The following SEC23A variants were observed in gnomAD, a reference collection of about 807,000 sequenced individuals.
SEC23A encodes SEC23 homolog A, COPII component.
SEC23A carries 56 observed loss-of-function variants against 103.7 expected under a neutral mutation model. The ratio of observed to expected loss-of-function variants is 0.54; its 90% CI spans 0.44 to 0.67. The LOEUF is 0.67. Ranked by LOEUF, SEC23A falls within the 30% of genes least tolerant of loss-of-function variation. The probability of loss-of-function intolerance (pLI) is 0.00; values close to 1 mark genes in which losing one functional copy is unlikely to be tolerated. For synonymous variants in SEC23A, 281 were observed against 293.0 expected, an observed-to-expected ratio of 0.96 and a Z score of 0.42; for missense variants, 784 against 936.4, an observed-to-expected ratio of 0.84 and a Z score of 2.12.
Position 39,043,662 on chromosome 14 carries a change from A to C in SEC23A, c.1900-790T>G, listed in dbSNP as rs114196872. On this transcript the variant is annotated intron_variant, in intron 16 of 19. Coordinates refer to ENST00000307712, the MANE Select transcript of SEC23A (RefSeq NM_006364.4). ...AGAAGATTGATCCCTTAAGCATGTC[A>C]ACACTTAGAGGTCTGAAAGGGAAAA... Among the ~76,000 whole-genome samples, 1,308 of 152,336 alleles carry C rather than the reference A, an allele frequency of 8.6e-3. 21 individuals carry two copies. The highest frequency in any genetic ancestry group is 0.029 in the African/African-American group (1,217 of 41,576).
At chr14:39,065,891 G>A (rs956871778) in intron 10 of SEC23A, among the ~76,000 whole-genome samples, 6 of 150,932 alleles carry the variant, frequency 4.0e-5, no homozygotes, top group South Asian at 4.2e-4. Context: ...CCAGCTACTC[G>A]GGAGGGTGAG....
In SEC23A at chr14:39,059,278, T is replaced by TA. The variant is rs750853379; in HGVS notation, c.1505+2486dup. Among the ~76,000 whole-genome samples, 337 of 71,738 alleles carry TA rather than the reference T, an allele frequency of 4.7e-3. 15 individuals are homozygous for TA. Among genetic ancestry groups the TA allele is most frequent in the African/African-American group, 0.013 (248 of 19,440 alleles). 47.1% of individuals were successfully genotyped at this position (71,738 alleles called of 152,430 possible). On this transcript the variant is annotated intron_variant, in intron 13 of 19. Coordinates refer to ENST00000307712, the MANE Select transcript of SEC23A (RefSeq NM_006364.4). ...GGCCCCTAAAGTCATAGTCCTAGTTTAAAAAAAAAAAAAAAAAAAAAAAAA... is the reference window on the plus strand; with the variant it reads ...GGCCCCTAAAGTCATAGTCCTAGTTTAAAAAAAAAAAAAAAAAAAAAAAAAA...
intron 9 of SEC23A, among the ~76,000 whole-genome samples, chr14:39,067,587 C>G (rs1886712248): frequency 6.7e-6 from 1 of 150,030 alleles, no homozygotes; most frequent in South Asian, 2.1e-4. Context: ...TTACAAAATT[C>G]AAAAGGTACA....
At chr14:39,100,373 C>T (rs915205593) in intron 1 of SEC23A, among the ~76,000 whole-genome samples, 2 of 151,516 alleles carry the variant, frequency 1.3e-5, no homozygotes, top group African/African-American at 4.8e-5. Flanking sequence ...CCATGTCCGA[C>T]AATGGCATAT....
chr14:39,049,199 C>T (rs907979682), intron 14 of SEC23A, among the ~76,000 whole-genome samples: 8 of 151,620 alleles, frequency 5.3e-5, no homozygotes, highest in Non-Finnish European at 7.4e-5. Flanking sequence ...AAATTGTGGC[C>T]GGGCGCAGTG....
chr14:39,076,110 C>G lies in SEC23A; in HGVS notation c.829-17G>C. 1 of 1,584,722 alleles carries G rather than the reference C, an allele frequency of 6.3e-7. No homozygotes were observed. The highest frequency in any genetic ancestry group is 8.6e-7 in the Non-Finnish European group (1 of 1,161,350). On this transcript the variant is annotated splice_polypyrimidine_tract_variant and intron_variant, in intron 7 of 19. Coordinates refer to ENST00000307712, the MANE Select transcript of SEC23A (RefSeq NM_006364.4). ...AAAAGTACACTATTAAAAAAAAAGTCAAGAGTTTAAAAGAAAACATATGAA... is the reference window on the plus strand; with the variant it reads ...AAAAGTACACTATTAAAAAAAAAGTGAAGAGTTTAAAAGAAAACATATGAA...
At chr14:39,059,416 G>A (rs143358824) in intron 13 of SEC23A, among the ~76,000 whole-genome samples, 18 of 150,576 alleles carry the variant, frequency 1.2e-4, no homozygotes, top group African/African-American at 3.9e-4. Flanking sequence ...ACACACATAT[G>A]TCTCTACAAA....
intron 14 of SEC23A, among the ~76,000 whole-genome samples, chr14:39,049,671 G>A (rs957592157): frequency 2.6e-5 from 4 of 151,854 alleles, no homozygotes; most frequent in East Asian, 1.9e-4. Flanking sequence ...CCAGCTACTC[G>A]AGAGGCTATG....
intron 14 of SEC23A, among the ~76,000 whole-genome samples, chr14:39,050,194 G>C (rs1196739894): frequency 6.6e-6 from 1 of 152,062 alleles, no homozygotes; most frequent in Non-Finnish European, 1.5e-5. Context: ...GCATAAAGAA[G>C]GTATATCCAA....
intron 10 of SEC23A, among the ~76,000 whole-genome samples, chr14:39,065,329 G>A (rs1886620959): frequency 6.6e-6 from 1 of 151,218 alleles, no homozygotes; most frequent in South Asian, 2.1e-4. Flanking sequence ...TCCTCCCATA[G>A]AAAATCTGTC....
intron 9 of SEC23A, among the ~76,000 whole-genome samples, chr14:39,069,782 G>A (rs1320797219): frequency 6.6e-6 from 1 of 152,066 alleles, no homozygotes; most frequent in African/African-American, 2.4e-5. Flanking sequence ...TCTCAACTTT[G>A]TACTTGCTAT....
intron 11 of SEC23A, 38 bp downstream of exon 11, chr14:39,064,875 T>C (rs766883515): frequency 1.2e-5 from 17 of 1,415,396 alleles, no homozygotes; most frequent in Non-Finnish European, 1.7e-5. Context: ...CCACAGTTCC[T>C]GGTCCTGTAT....
At chr14:39,036,320 C>CAAAAA (rs59018206) in intron 19 of SEC23A, among the ~76,000 whole-genome samples, 45 of 69,878 alleles carry the variant, frequency 6.4e-4, no homozygotes, top group African/African-American at 1.7e-3. Context: ...GACTCCGTCT[C>CAAAAA]AAAAAAAAAA....
chr14:39,061,446 T>G (rs1886474126), intron 13 of SEC23A, among the ~76,000 whole-genome samples: 1 of 151,958 alleles, frequency 6.6e-6, no homozygotes, highest in Non-Finnish European at 1.5e-5. Flanking sequence ...GCTATATCAT[T>G]TATATATATA....
At chr14:39,081,638 G>C (rs763348097) in intron 7 of SEC23A, among the ~76,000 whole-genome samples, 1 of 152,240 alleles carries the variant, frequency 6.6e-6, no homozygotes, top group South Asian at 2.1e-4. Flanking sequence ...AAATATATTT[G>C]ATAACGGGAG....
chr14:39,099,330 T>C (rs970793045), intron 1 of SEC23A, among the ~76,000 whole-genome samples: 1 of 151,948 alleles, frequency 6.6e-6, no homozygotes, highest in Admixed American at 6.6e-5. Flanking sequence ...AGCTAATTTT[T>C]TGTATTTTTA....
intron 7 of SEC23A, among the ~76,000 whole-genome samples, chr14:39,084,968 G>A (rs1318362678): frequency 2.0e-5 from 3 of 152,192 alleles, no homozygotes; most frequent in Non-Finnish European, 4.4e-5. Flanking sequence ...GCCCAGCCAA[G>A]AGTGCCTTTT....
At chr14:39,047,426 G>C in intron 15 of SEC23A, 1 of 1,287,850 alleles carries the variant, frequency 7.8e-7, no homozygotes, top group Non-Finnish European at 1.0e-6. Context: ...GAGGTTTTAG[G>C]GAAGTCTCTC....
At chr14:39,055,679 G>A (rs575797370) in intron 13 of SEC23A, among the ~76,000 whole-genome samples, 1 of 152,284 alleles carries the variant, frequency 6.6e-6, no homozygotes, top group Admixed American at 6.5e-5. Context: ...TCATCCCAAA[G>A]GCAGTAACAG....
Sources: gnomAD v4.1 joint callset for allele counts (sites outside exome capture counted in the v4.1 genomes callset) on GRCh38, gnomAD v4.1.1 for gene constraint, MANE v1.5 for transcripts, NCBI Gene and HGNC (gene_info 2026-07-23, HGNC 2026-07-21) for gene names.